The following BMP1 variants were observed in gnomAD, a reference collection of about 807,000 sequenced individuals.
BMP1 encodes mammalian tolloid protein.
A neutral mutation model predicts 116.8 loss-of-function variants in BMP1; 63 were observed. The observed-to-expected ratio is 0.54, with a 90% CI of 0.44 to 0.67. BMP1 has a LOEUF of 0.67. Among genes scored for constraint, BMP1 ranks in the 30% least tolerant of loss-of-function variants. The pLI, the probability that BMP1 is intolerant of heterozygous loss-of-function variation, is 0.00. For missense variants in BMP1, 1,183 were observed against 1,358.9 expected (o/e 0.87, Z 2.04); for synonymous variants, 536 against 533.4 (o/e 1.00, Z -0.07).
intron 2 of BMP1, among the ~76,000 whole-genome samples, chr8:22,173,916 G>A (rs995391928): frequency 6.6e-6 from 1 of 152,214 alleles, no homozygotes; most frequent in African/African-American, 2.4e-5. Flanking sequence ...CAGCAACTAA[G>A]AACTGACATT....
intron 8 of BMP1, among the ~76,000 whole-genome samples, chr8:22,191,374 C>G (rs2131877145): frequency 6.6e-6 from 1 of 152,316 alleles, no homozygotes; most frequent in Middle Eastern, 3.4e-3. Flanking sequence ...TTCTTGAGGA[C>G]AGGGACGGAT....
intron 2 of BMP1, among the ~76,000 whole-genome samples, chr8:22,174,736 A>G (rs757417846): frequency 6.7e-6 from 1 of 149,634 alleles, no homozygotes; most frequent in Non-Finnish European, 1.5e-5. Context: ...GAGTTCAAGC[A>G]ATTCTCGTGC....
intron 15 of BMP1, 49 bp from the exon 16 acceptor site, chr8:22,201,754 C>T: frequency 6.2e-7 from 1 of 1,606,700 alleles, no homozygotes; most frequent in Non-Finnish European, 8.5e-7. Flanking sequence ...GGCATCCCAA[C>T]CTCAGCCCTG....
intron 8 of BMP1, among the ~76,000 whole-genome samples, chr8:22,183,591 A>AATTATT (rs10687529): frequency 0.035 from 5,111 of 146,960 alleles, 145 homozygotes; most frequent in East Asian, 0.074. Flanking sequence ...GTATGTGTTA[A>AATTATT]ATTATTATTA....
chr8:22,207,872 A>T (rs28446935), intron 18 of BMP1, among the ~76,000 whole-genome samples: 66 of 138,854 alleles, frequency 4.8e-4, no homozygotes, highest in East Asian at 3.1e-3. Flanking sequence ...TTATTTTTTT[A>T]TTTTTATTTT....
rs778977426 is a variant in BMP1, at chr8:22,201,933, G to A, written c.2233+5G>A. 1.4e-5 allele frequency: 23 copies of A among 1,609,450 alleles called. No individual in the cohort carries two copies. Among genetic ancestry groups the A allele is most frequent in the South Asian group, 4.4e-5 (4 of 90,308 alleles). ...ACAAGCACGACTGCAAAGAAGGTAC[G>A]GGCTGCATGCCAGGGGCATCTGGGC... On this transcript the variant is annotated splice_donor_5th_base_variant and intron_variant, in intron 16 of 19. Transcript: ENST00000306385.
intron 2 of BMP1, among the ~76,000 whole-genome samples, chr8:22,174,867 C>A (rs1225492369): frequency 1.3e-5 from 2 of 152,116 alleles, no homozygotes; most frequent in Non-Finnish European, 2.9e-5. Context: ...CTCCTGGCCT[C>A]AAGCGAACTA....
Position 22,176,585 on chromosome 8 carries a change from C to G in BMP1, c.486C>G (p.Thr162=), listed in dbSNP as rs1481988496. The stretch of plus-strand genomic sequence containing the variant: ...CCATGAGGCACTGGGAGAAGCACAC[C>G]TGTGTCACCTTCCTGGAGCGCACTG... The part of the protein sequence containing the change: ...RQAMRHWEKH[T]CVTFLERTDE... Residue 162 remains threonine (T), a synonymous_variant, in exon 4 of 20, where the codon ACC becomes ACG. Coordinates refer to ENST00000306385, the MANE Select transcript of BMP1 (RefSeq NM_006129.5). 1 of 1,614,196 alleles carries G rather than the reference C, an allele frequency of 6.2e-7. No homozygotes were observed. The highest frequency in any genetic ancestry group is 1.7e-5 in the Admixed American group (1 of 60,026).
At chr8:22,170,900 T>C (rs1828257313) in intron 1 of BMP1, 1 of 151,796 alleles carries the variant, frequency 6.6e-6, no homozygotes, top group Non-Finnish European at 1.5e-5. Context: ...CACTCCAGCC[T>C]GGGTGACAGA....
At chr8:22,209,078 G>A (rs138565374) in intron 18 of BMP1, among the ~76,000 whole-genome samples, 4,731 of 152,342 alleles carry the variant, frequency 0.031, 141 homozygotes, top group South Asian at 0.1. Context: ...CAGATGTACG[G>A]CTTCTCTCTT....
intron 1 of BMP1, chr8:22,169,694 C>T (rs1036567268): frequency 6.6e-6 from 1 of 152,270 alleles, no homozygotes; most frequent in Non-Finnish European, 1.5e-5. Flanking sequence ...TGCATCAGTC[C>T]TGCACATATA....
Position 22,205,296 on chromosome 8 carries a change from G to A in BMP1, c.2234-1558G>A, listed in dbSNP as rs550543311. On this transcript the variant is annotated intron_variant, in intron 16 of 19. Coordinates refer to ENST00000306385, the MANE Select transcript of BMP1 (RefSeq NM_006129.5). The stretch of plus-strand genomic sequence containing the variant: ...ATCCAAAGAGTATCAAGTGGTCTGG[G>A]GGCCCAGGTGAGGCTGGAGCCACAG... Among the ~76,000 whole-genome samples, 5 of 152,310 alleles carry A rather than the reference G, an allele frequency of 3.3e-5. No individual in the cohort carries two copies. In the East Asian group the frequency reaches 7.7e-4, roughly 24 times the overall value.
At position 22,206,996 on chromosome 8, in the gene BMP1, C is replaced by G; in HGVS notation, c.2361+15C>G. On this transcript the variant is annotated intron_variant, in intron 17 of 19. Transcript: ENST00000306385. ...GGGTCAAGCTGGTAAGGGGTCCCCT[C>G]CCCACTCCTTATGCGGTGTGGCTGC... 6.2e-7 allele frequency: 1 copy of G among 1,613,688 alleles called. No homozygotes were observed. Among genetic ancestry groups the G allele is most frequent in the South Asian group, 1.1e-5 (1 of 90,978 alleles).
rs1294649375 is a variant in BMP1, at chr8:22,197,298, A to G, written c.1985A>G (p.His662Arg). 6.8e-6 allele frequency: 11 copies of G among 1,614,034 alleles called. No homozygotes were observed. Among genetic ancestry groups the G allele is most frequent in the Non-Finnish European group, 9.3e-6 (11 of 1,179,914 alleles). ...RSGLTADSKL[H>R]GKFCGSEKPE... ...GGACTCACAGCTGACTCCAAGCTGC[A>G]TGGCAAGTTCTGTGGTTCTGAGAAG... The change falls in exon 15 of 20, where the codon CAT becomes CGT. Residue 662 changes from histidine (H) to arginine (R), a missense_variant. By Grantham distance (29) the His-to-Arg change is conservative. This residue lies in a region of BMP1 where 956 missense variants were observed against 1,135.2 expected (regional missense o/e 0.84). Transcript: ENST00000306385.
At chr8:22,210,444 TCC>T (rs372753305) in intron 19 of BMP1, among the ~76,000 whole-genome samples, 8 of 114,970 alleles carry the variant, frequency 7.0e-5, no homozygotes, top group East Asian at 2.0e-4. Flanking sequence ...TCTCTCTCTT[TCC>T]CTCTCTCTCT....
At position 22,194,018 on chromosome 8, in the gene BMP1, C is replaced by A. The variant is rs201830120; in HGVS notation, c.1181-40C>A. On this transcript the variant is annotated intron_variant, in intron 9 of 19. Coordinates refer to ENST00000306385, the MANE Select transcript of BMP1 (RefSeq NM_006129.5). The surrounding 1 kb of genome is among the most constrained non-coding windows in gnomAD (Gnocchi z 4.5). The stretch of plus-strand genomic sequence containing the variant: ...AGGTGGGGCCTCTATAGGGGGTGTC[C>A]TCAGGGTTCACCACTCTTCCATCCA... 8.3e-6 allele frequency: 13 copies of A among 1,567,616 alleles called. No homozygotes were observed. The Admixed American group carries it at 2.0e-4, about 24-fold the overall frequency.
chr8:22,195,603 C>T lies in BMP1; in HGVS notation c.1765+16C>T. 6.2e-7 allele frequency: 1 copy of T among 1,608,368 alleles called. No individual in the cohort carries two copies. Among genetic ancestry groups the T allele is most frequent in the Non-Finnish European group, 8.5e-7 (1 of 1,178,666 alleles). ...CGCTGTGAGGGTGAGTGCCCCCAGA[C>T]TGCCTCTGACCCTGTTCTTTCCCTG... On this transcript the variant is annotated intron_variant, in intron 13 of 19. Coordinates refer to ENST00000306385, the MANE Select transcript of BMP1 (RefSeq NM_006129.5).
At chr8:22,174,631 T>A (rs1245939916) in intron 2 of BMP1, among the ~76,000 whole-genome samples, 1 of 138,140 alleles carries the variant, frequency 7.2e-6, no homozygotes, top group Non-Finnish European at 1.6e-5. Context: ...TTCTGTCTTT[T>A]TTTTTTTTTT....
intron 19 of BMP1, among the ~76,000 whole-genome samples, chr8:22,210,362 T>C (rs943122493): frequency 2.9e-5 from 4 of 136,626 alleles, no homozygotes; most frequent in South Asian, 2.2e-4. Context: ...CAGCTGCCTC[T>C]TCTTCTTTTT....
Sources: allele counts gnomAD v4.1 joint callset (sites outside exome capture counted in the v4.1 genomes callset), GRCh38; gene constraint gnomAD v4.1.1; regional missense constraint gnomAD v4.1.1; non-coding constraint Gnocchi (gnomAD v3.1); transcripts MANE v1.5; gene names NCBI Gene and HGNC (gene_info 2026-07-23, HGNC 2026-07-21).